L1TD1: variants seen among roughly 807,000 people sequenced by gnomAD.
The protein encoded by L1TD1 is LINE1 type transposase domain containing 1.
In L1TD1, 26 loss-of-function variants were observed where a neutral mutation model predicts 25.7. The ratio of observed to expected loss-of-function variants is 1.01; its 90% confidence interval spans 0.74 to 1.40. The LOEUF (loss-of-function observed/expected upper bound fraction) is 1.40, where lower values mean the gene tolerates loss of function less well. L1TD1 is among the 40% of genes most tolerant of loss of function. L1TD1 has a pLI of 0.00. For synonymous variants in L1TD1, 421 were observed against 335.6 expected, an observed-to-expected ratio of 1.25 and a Z score of -2.78; for missense variants, 1,130 against 975.0, an observed-to-expected ratio of 1.16 and a Z score of -2.12.
chr1:62,204,516 T>G (rs1231968073), intron 2 of L1TD1, among the ~76,000 whole-genome samples: 3 of 152,218 alleles, frequency 2.0e-5, no homozygotes, highest in African/African-American at 7.2e-5. Context: ...TTAATTTATC[T>G]TTTACTTTTA....
chr1:62,200,621 G>A, intron 2 of L1TD1, among the ~76,000 whole-genome samples: 1 of 151,554 alleles, frequency 6.6e-6, no homozygotes, highest in Non-Finnish European at 1.5e-5. Context: ...AGTATTTTTT[G>A]GCCAGAAAAA....
At chr1:62,195,327 T>G (rs1204557085) in intron 1 of L1TD1, among the ~76,000 whole-genome samples, 1 of 152,232 alleles carries the variant, frequency 6.6e-6, no homozygotes, top group Admixed American at 6.5e-5. Context: ...TTTCCCTTAC[T>G]GTCCGTGGCG....
At chr1:62,202,438 T>G (rs1376911620) in intron 2 of L1TD1, among the ~76,000 whole-genome samples, 1 of 151,990 alleles carries the variant, frequency 6.6e-6, no homozygotes, top group South Asian at 2.1e-4. Context: ...TATACATTTG[T>G]CCCCCTTACC....
At chr1:62,197,885 GAAAAC>G (rs140732082) in intron 2 of L1TD1, among the ~76,000 whole-genome samples, 13,020 of 151,372 alleles carry the variant, frequency 0.086, 740 homozygotes, top group East Asian at 0.35. Context: ...AAAAACAGAA[GAAAAC>G]AAAACAAAAC....
At chr1:62,202,562 AGC>A (rs1670661647) in intron 2 of L1TD1, among the ~76,000 whole-genome samples, 1 of 76,864 alleles carries the variant, frequency 1.3e-5, no homozygotes, top group Non-Finnish European at 2.7e-5. Flanking sequence ...TTTTTTTTTT[AGC>A]TGTTCATTTA....
At chr1:62,197,404 T>TATATATATATATAC (rs1670564413) in intron 2 of L1TD1, among the ~76,000 whole-genome samples, 1 of 12,824 alleles carries the variant, frequency 7.8e-5, no homozygotes, top group Non-Finnish European at 1.7e-4. Flanking sequence ...AAATTATATA[T>TATATATATATATAC]ATATATATAT....
chr1:62,206,213 A>G lies in L1TD1; in HGVS notation c.-110-306A>G, dbSNP rs1355991748. ...GGTTTCTTAAAGAATAACATCTATT[A>G]TAATTAATCTCATTATAGAGAACAC... On this transcript the variant is annotated intron_variant, in intron 2 of 3. Transcript: ENST00000498273. Among the ~76,000 whole-genome samples, 4 of 152,212 alleles carry G rather than the reference A, an allele frequency of 2.6e-5. No individual in the cohort carries two copies. The East Asian group carries it at 5.8e-4, about 22-fold the overall frequency.
chr1:62,200,984 G>A (rs1348968687), intron 2 of L1TD1, among the ~76,000 whole-genome samples: 1 of 151,790 alleles, frequency 6.6e-6, no homozygotes, highest in East Asian at 1.9e-4. Flanking sequence ...CCAGGCTGTA[G>A]TGCAGTGGCG....
At chr1:62,195,770 GC>G (rs749824581) in intron 1 of L1TD1, among the ~76,000 whole-genome samples, 16 of 152,002 alleles carry the variant, frequency 1.1e-4, no homozygotes, top group Non-Finnish European at 2.1e-4. Context: ...AAGATGGAGG[GC>G]CGGGCGTGTT....
In L1TD1 at chr1:62,207,065, T is replaced by C; in HGVS notation, c.437T>C (p.Leu146Ser). The change falls in exon 3 of 4, where the codon TTA becomes TCA. Residue 146 changes from leucine to serine, a missense_variant. Physicochemically the swap from Leu to Ser is moderately radical, Grantham distance 145. Transcript: ENST00000498273. Reference sequence around the variant, plus strand: ...GAAGTAAATGAGCTGAGTGGTAAATTAGACAACACTAACGAATACAATAGT... The same window carrying C: ...GAAGTAAATGAGCTGAGTGGTAAATCAGACAACACTAACGAATACAATAGT... ...KLEVNELSGKLDNTNEYNSND... is the reference protein window; with the variant it reads ...KLEVNELSGKSDNTNEYNSND... The C allele has an allele frequency of 2.5e-6, 4 of 1,613,854 alleles. No homozygotes were observed. The highest frequency in any genetic ancestry group is 3.4e-6 in the Non-Finnish European group (4 of 1,179,912).
intron 2 of L1TD1, among the ~76,000 whole-genome samples, chr1:62,204,776 C>A (rs1301224455): frequency 1.3e-5 from 2 of 151,994 alleles, no homozygotes; most frequent in African/African-American, 4.8e-5. Flanking sequence ...TTATGTGATT[C>A]TTATTTTGCA....
rs1670848582 is a variant in L1TD1, at chr1:62,210,655, GAT to G, written c.1883_1884del (p.Ile628LysfsTer18). On this transcript the variant is annotated frameshift_variant, in exon 4 of 4. Transcript: ENST00000498273. LOFTEE classifies it low-confidence loss of function (END_TRUNC). ...RSSVINSIRE[I>X]KEEIGNLKSS... ...GTAGTGTGATTAATAGCATCAGAGA[GAT>G]AAAAGAGGAGATTGGAAATTTGAAA... The G allele has an allele frequency of 1.9e-6, 3 of 1,564,300 alleles. No homozygotes were observed. The East Asian group carries it at 7.2e-5, about 38-fold the overall frequency.
In L1TD1 at chr1:62,206,563, C is replaced by T; in HGVS notation, c.-66C>T. 1.5e-6 allele frequency: 2 copies of T among 1,371,032 alleles called. No homozygotes were observed. The highest frequency in any genetic ancestry group is 2.0e-5 in the South Asian group (1 of 49,130). The allele number at this position is 1,371,032 out of a possible 1,614,324, so 84.9% of individuals were successfully genotyped here. ...TTTTTAACTTCTGAAGTCTAGCAGG[C>T]CTGTAAGAACAAAAATCATTCTGTA... On this transcript the variant is annotated 5_prime_UTR_variant, in exon 3 of 4. Coordinates refer to ENST00000498273, the MANE Select transcript of L1TD1 (RefSeq NM_019079.5).
At chr1:62,202,546 C>CT (rs546794105) in intron 2 of L1TD1, among the ~76,000 whole-genome samples, 12,522 of 91,898 alleles carry the variant, frequency 0.14, 651 homozygotes, top group East Asian at 0.24. Flanking sequence ...TTTTTCTTTT[C>CT]TTTTTTTTTT....
chr1:62,210,821 CAG>C lies in L1TD1; in HGVS notation c.2049_2050del (p.Gln683HisfsTer3), dbSNP rs1222162331. 3.2e-6 allele frequency: 5 copies of C among 1,549,068 alleles called. No individual in the cohort carries two copies. The highest frequency in any genetic ancestry group is 1.7e-4 in the Middle Eastern group (1 of 6,002). On this transcript the variant is annotated frameshift_variant, in exon 4 of 4. Transcript: ENST00000498273. LOFTEE classifies it low-confidence loss of function (END_TRUNC). The part of the protein sequence containing the change: ...FSKDTMQMTK[Q>X]IISKERQRDI... ...TAAGGATACAATGCAAATGACCAAACAGATAATTAGTAAAGAAAGGCAAAGAG... is the reference window on the plus strand; with the variant it reads ...TAAGGATACAATGCAAATGACCAAACATAATTAGTAAAGAAAGGCAAAGAG...
Position 62,210,035 on chromosome 1 carries a change from G to T in L1TD1, c.1261G>T (p.Ala421Ser). The change falls in exon 4 of 4, where the codon GCT becomes TCT. Residue 421 changes from alanine (A) to serine (S), a missense_variant. Ala to Ser is a moderately conservative substitution (Grantham distance 99, BLOSUM62 1). Transcript: ENST00000498273. ...SGLEEEEEEE[A>S]SGLEEDEASG... ...GCTGGAGGAGGAAGAAGAAGAAGAG[G>T]CTTCAGGGTTGGAGGAGGATGAGGC... 6.2e-7 allele frequency: 1 copy of T among 1,612,372 alleles called. No individual in the cohort carries two copies. The highest frequency in any genetic ancestry group is 8.5e-7 in the Non-Finnish European group (1 of 1,178,878).
intron 2 of L1TD1, among the ~76,000 whole-genome samples, chr1:62,198,929 C>G (rs1670593334): frequency 6.6e-6 from 1 of 152,052 alleles, no homozygotes; most frequent in African/African-American, 2.4e-5. Flanking sequence ...CCTTGAACTC[C>G]TGGGCTCAAA....
At chr1:62,201,015 G>T (rs1670629494) in intron 2 of L1TD1, among the ~76,000 whole-genome samples, 1 of 151,756 alleles carries the variant, frequency 6.6e-6, no homozygotes, top group African/African-American at 2.4e-5. Flanking sequence ...TTCAACCTCT[G>T]TCTACCGAGG....
Position 62,211,420 on chromosome 1 carries a change from T to C in L1TD1, c.*48T>C, listed in dbSNP as rs778949571. 2.4e-5 allele frequency: 36 copies of C among 1,522,074 alleles called. No individual in the cohort carries two copies. The highest frequency in any genetic ancestry group is 3.2e-5 in the Non-Finnish European group (36 of 1,140,418). The allele number at this position is 1,522,074 out of a possible 1,614,324, so 94.3% of individuals were successfully genotyped here. A position where few individuals can be genotyped will look rare whatever the true frequency, so the allele number is the denominator to read the frequency against. ...ATATGCTTTCCTCCCCCAGCATGCA[T>C]CCAAAAATCAACAAGTAAAACGAAA... On this transcript the variant is annotated 3_prime_UTR_variant, in exon 4 of 4. Coordinates refer to ENST00000498273, the MANE Select transcript of L1TD1 (RefSeq NM_019079.5).
Sources: allele counts gnomAD v4.1 joint callset (sites outside exome capture counted in the v4.1 genomes callset), GRCh38; gene constraint gnomAD v4.1.1; transcripts MANE v1.5; gene names NCBI Gene and HGNC (gene_info 2026-07-23, HGNC 2026-07-21).